The following PDE2A variants were observed in gnomAD, a reference collection of about 807,000 sequenced individuals.
The protein encoded by PDE2A is cGMP-dependent 3',5'-cyclic phosphodiesterase.
A neutral mutation model predicts 133.6 loss-of-function variants in PDE2A; 53 were observed. That is an observed-to-expected ratio of 0.40 (90% CI 0.32 to 0.50). The LOEUF is 0.50. Ranked by LOEUF, PDE2A falls within the 20% of genes least tolerant of loss-of-function variation. The pLI is 0.73. For synonymous variants in PDE2A, 491 were observed against 490.2 expected, an observed-to-expected ratio of 1.00 and a Z score of -0.02; for missense variants, 796 against 1,232.4, an observed-to-expected ratio of 0.65 and a Z score of 5.30.
rs1051788865 is a variant in PDE2A at position 72,597,393 on chromosome 11, CA to C, written c.433+116del. On this transcript the variant is annotated intron_variant, in intron 5 of 30. Transcript: ENST00000334456. The surrounding 1 kb of genome is among the most constrained non-coding windows in gnomAD (Gnocchi z 4.6). ...TGGAGGGACTGCTAGAGACACAGAG[CA>C]AGAGAAAGAAGGAGACAGAGATGAA... 3.2e-6 allele frequency: 2 copies of C among 629,938 alleles called. No individual in the cohort carries two copies. The highest frequency in any genetic ancestry group is 5.4e-5 in the East Asian group (2 of 37,186). The allele number at this position is 629,938 out of a possible 1,614,324, so 39.0% of individuals were successfully genotyped here.
chr11:72,577,293 C>G lies in PDE2A; in HGVS notation c.*91G>C. The G allele has an allele frequency of 1.0e-6, 1 of 954,506 alleles. No individual in the cohort carries two copies. The highest frequency in any genetic ancestry group is 1.6e-6 in the Non-Finnish European group (1 of 621,868). 59.1% of individuals were successfully genotyped at this position (954,506 alleles called of 1,614,324 possible). On this transcript the variant is annotated 3_prime_UTR_variant, in exon 31 of 31. Transcript: ENST00000334456. ...ACACAGGAAGTCCTGGTCTAGGACC[C>G]AGGACCCGTGGCTCTGTTCCCAGTG...
intron 1 of PDE2A, among the ~76,000 whole-genome samples, chr11:72,667,032 G>T (rs1855255398): frequency 6.6e-6 from 1 of 152,152 alleles, no homozygotes; most frequent in Non-Finnish European, 1.5e-5. Context: ...CTTGAGCCTG[G>T]GATGCGGAGG....
rs1475062824 is a variant in PDE2A at position 72,576,375 on chromosome 11, C to T, written c.*1009G>A. 2 of 152,252 alleles carry T rather than the reference C, an allele frequency of 1.3e-5. No individual in the cohort carries two copies. The highest frequency in any genetic ancestry group is 4.8e-5 in the African/African-American group (2 of 41,428). The allele number at this position is 152,252 out of a possible 1,614,324, so 9.4% of individuals were successfully genotyped here. A position where few individuals can be genotyped will look rare whatever the true frequency, so the allele number is the denominator to read the frequency against. Reference sequence around the variant, plus strand: ...CGGCCCTATGGGGTCTCCCAAGCCCCAGGGCACAGGTGGATATGGCCTTGA... The same window carrying T: ...CGGCCCTATGGGGTCTCCCAAGCCCTAGGGCACAGGTGGATATGGCCTTGA... On this transcript the variant is annotated 3_prime_UTR_variant, in exon 31 of 31. Transcript: ENST00000334456.
intron 2 of PDE2A, among the ~76,000 whole-genome samples, chr11:72,618,122 C>T (rs534652839): frequency 6.6e-6 from 1 of 152,296 alleles, no homozygotes; most frequent in South Asian, 2.1e-4. Flanking sequence ...GTGACAGGCT[C>T]CGAGCAAAGT....
At chr11:72,608,979 G>A (rs1192699726) in intron 2 of PDE2A, among the ~76,000 whole-genome samples, 1 of 152,206 alleles carries the variant, frequency 6.6e-6, no homozygotes, top group African/African-American at 2.4e-5. Context: ...GAAGGGCCAG[G>A]GACTTAGCAA....
At chr11:72,632,998 C>T (rs1217524205) in intron 2 of PDE2A, among the ~76,000 whole-genome samples, 2 of 152,208 alleles carry the variant, frequency 1.3e-5, no homozygotes, top group African/African-American at 4.8e-5. Context: ...TTATCACCCT[C>T]CTATCTCCTG....
chr11:72,595,058 A>G (rs1431124822), intron 6 of PDE2A, among the ~76,000 whole-genome samples: 2 of 152,160 alleles, frequency 1.3e-5, no homozygotes, highest in East Asian at 1.9e-4. Context: ...ACACACACAC[A>G]CACACACACA....
intron 2 of PDE2A, among the ~76,000 whole-genome samples, chr11:72,638,297 C>A (rs1278830172): frequency 6.6e-6 from 1 of 152,178 alleles, no homozygotes; most frequent in Non-Finnish European, 1.5e-5. Flanking sequence ...TCCGATGGAC[C>A]CCAGTTTCCC....
intron 1 of PDE2A, among the ~76,000 whole-genome samples, chr11:72,665,541 G>A (rs1389540533): frequency 6.6e-6 from 1 of 152,156 alleles, no homozygotes; most frequent in Non-Finnish European, 1.5e-5. Context: ...GGAGCACTCT[G>A]TGGACTCAAT....
chr11:72,626,634 A>T (rs11824399), intron 2 of PDE2A, among the ~76,000 whole-genome samples: 1 of 150,966 alleles, frequency 6.6e-6, no homozygotes, highest in Admixed American at 6.6e-5. Context: ...CTCCCCTCCC[A>T]CTCCTGCCCA....
intron 2 of PDE2A, among the ~76,000 whole-genome samples, chr11:72,609,324 A>G (rs1250853847): frequency 6.6e-6 from 1 of 152,238 alleles, no homozygotes; most frequent in Non-Finnish European, 1.5e-5. Flanking sequence ...AATGCCCAAC[A>G]CAGAGTAGAT....
In PDE2A at chr11:72,624,912, C is replaced by T. The variant is rs995822857; in HGVS notation, c.145-16161G>A. On this transcript the variant is annotated intron_variant, in intron 2 of 30. Transcript: ENST00000334456. The stretch of plus-strand genomic sequence containing the variant: ...CGTCATAAGCTCCGTGTCACATGTG[C>T]AGAACGCCCCCTGTCCCACAGTGTC... Among the ~76,000 whole-genome samples, 9 of 152,242 alleles carry T rather than the reference C, an allele frequency of 5.9e-5. 1 individual carries two copies. Among genetic ancestry groups the T allele is most frequent in the Admixed American group, 4.6e-4 (7 of 15,286 alleles).
At chr11:72,640,195 C>G (rs1162003569) in intron 2 of PDE2A, among the ~76,000 whole-genome samples, 2 of 152,060 alleles carry the variant, frequency 1.3e-5, no homozygotes, top group Non-Finnish European at 2.9e-5. Context: ...ACCTCACACA[C>G]CTCTCACCTC....
intron 26 of PDE2A, 41 bp from the exon 27 acceptor site, chr11:72,579,424 C>A: frequency 1.3e-6 from 2 of 1,574,994 alleles, no homozygotes; most frequent in South Asian, 1.1e-5. Flanking sequence ...CTACTGGACA[C>A]CCCCACCCAT....
At chr11:72,589,847 C>A in intron 10 of PDE2A, 55 bp from the exon 11 acceptor site, 1 of 1,608,178 alleles carries the variant, frequency 6.2e-7, no homozygotes, top group South Asian at 1.1e-5. Flanking sequence ...ATTTCCCCCT[C>A]GGAGACCCGA....
Position 72,590,458 on chromosome 11 carries a change from G to C in PDE2A, c.672C>G (p.Thr224=). The C allele has an allele frequency of 6.5e-7, 1 of 1,544,896 alleles. No homozygotes were observed. The highest frequency in any genetic ancestry group is 1.2e-5 in the South Asian group (1 of 81,096). ...GTTGGAGGATCTTGCGGTCGCGGTC[G>C]GTGTACGCCGCCCCGCCCTTCTGGT... The part of the protein sequence containing the change: ...AEDQKGGAAY[T]DRDRKILQLC... The change falls in exon 8 of 31, where the codon ACC becomes ACG. Residue 224 remains threonine (T), a synonymous_variant. Transcript: ENST00000334456. This position sits in a 1 kb window ranked among gnomAD's most constrained non-coding sequence, Gnocchi z 4.8.
Position 72,584,683 on chromosome 11 carries a change from C to A in PDE2A, c.1405G>T (p.Val469Leu). ...IPADQGIAGHVATTGQILNIP... is the reference protein window; with the variant it reads ...IPADQGIAGHLATTGQILNIP... ...TTCAGGATCTGGCCCGTGGTCGCCACGTGTCCCGCGATGCCCTGATCGGCC... is the reference window on the plus strand; with the variant it reads ...TTCAGGATCTGGCCCGTGGTCGCCAAGTGTCCCGCGATGCCCTGATCGGCC... The change falls in exon 18 of 31, where the codon GTG becomes TTG. Residue 469 changes from valine to leucine, a missense_variant. This residue lies in a region of PDE2A where 218 missense variants were observed against 465.9 expected (regional missense o/e 0.47). Coordinates refer to ENST00000334456, the MANE Select transcript of PDE2A (RefSeq NM_002599.5). 6.2e-7 allele frequency: 1 copy of A among 1,613,388 alleles called. No homozygotes were observed. The highest frequency in any genetic ancestry group is 8.5e-7 in the Non-Finnish European group (1 of 1,180,018).
intron 1 of PDE2A, among the ~76,000 whole-genome samples, chr11:72,673,421 A>ACACC (rs761245734): frequency 6.8e-6 from 1 of 147,528 alleles, no homozygotes; most frequent in African/African-American, 2.6e-5. Context: ...ACACACACAT[A>ACACC]CCCTGCCTAC....
Position 72,576,660 on chromosome 11 carries a change from A to G in PDE2A, c.*724T>C, listed in dbSNP as rs1855487594. 1 of 169,190 alleles carries G rather than the reference A, an allele frequency of 5.9e-6. No individual in the cohort carries two copies. Among genetic ancestry groups the G allele is most frequent in the Non-Finnish European group, 1.5e-5 (1 of 68,306 alleles). The allele number at this position is 169,190 out of a possible 1,614,324, so 10.5% of individuals were successfully genotyped here. A position where few individuals can be genotyped will look rare whatever the true frequency, so the allele number is the denominator to read the frequency against. On this transcript the variant is annotated 3_prime_UTR_variant, in exon 31 of 31. Transcript: ENST00000334456. Reference sequence around the variant, plus strand: ...CTGTTTGGCCCAGACAGGGGAAGAGACTCGCCCAGCGTCACACAGGCAGGA... The same window carrying G: ...CTGTTTGGCCCAGACAGGGGAAGAGGCTCGCCCAGCGTCACACAGGCAGGA...
Sources: allele counts gnomAD v4.1 joint callset (sites outside exome capture counted in the v4.1 genomes callset), GRCh38; gene constraint gnomAD v4.1.1; regional missense constraint gnomAD v4.1.1; non-coding constraint Gnocchi (gnomAD v3.1); transcripts MANE v1.5; gene names NCBI Gene and HGNC (gene_info 2026-07-23, HGNC 2026-07-21).